KCNH8: variants seen among roughly 807,000 people sequenced by gnomAD.
KCNH8 encodes the protein potassium voltage-gated channel subfamily H member 8.
Under a neutral mutation model 103.6 loss-of-function variants are expected in KCNH8, and 70 were observed. That is an observed-to-expected ratio of 0.68 (90% CI 0.56 to 0.82). The LOEUF (loss-of-function observed/expected upper bound fraction) is 0.82. KCNH8 is among the 40% of genes least tolerant of loss of function. The pLI, the probability that KCNH8 is intolerant of heterozygous loss-of-function variation, is 0.00. For missense variants in KCNH8, 1,217 were observed against 1,329.9 expected, an observed-to-expected ratio of 0.92 and a Z score of 1.32; for synonymous variants, 498 against 489.4, an observed-to-expected ratio of 1.02 and a Z score of -0.23.
intron 1 of KCNH8, among the ~76,000 whole-genome samples, chr3:19,181,785 A>G (rs2063455532): frequency 6.6e-6 from 1 of 152,216 alleles, no homozygotes; most frequent in African/African-American, 2.4e-5. Context: ...CAAGGAACTG[A>G]TGATCCCTAA....
intron 7 of KCNH8, among the ~76,000 whole-genome samples, chr3:19,429,577 C>CT (rs560217483): frequency 1.7e-4 from 26 of 152,010 alleles, no homozygotes; most frequent in Non-Finnish European, 2.2e-4. Flanking sequence ...AGAACAGTTT[C>CT]TTTTTTTTAA....
intron 1 of KCNH8, among the ~76,000 whole-genome samples, chr3:19,229,950 T>C (rs1270682571): frequency 6.6e-6 from 1 of 152,144 alleles, no homozygotes; most frequent in Non-Finnish European, 1.5e-5. Context: ...AAGACATACC[T>C]GAGACTGGGA....
chr3:19,241,024 A>G (rs866889976), intron 1 of KCNH8, among the ~76,000 whole-genome samples: 1 of 152,090 alleles, frequency 6.6e-6, no homozygotes, highest in Middle Eastern at 3.4e-3. Context: ...AGCCTATCCT[A>G]TTTTGTTAAG....
chr3:19,375,906 G>T (rs1373847794), intron 5 of KCNH8, among the ~76,000 whole-genome samples: 2 of 152,194 alleles, frequency 1.3e-5, no homozygotes, highest in Non-Finnish European at 2.9e-5. Flanking sequence ...GTGCCTCCCA[G>T]TTAGGCTGCT....
Position 19,284,631 on chromosome 3 carries a change from T to A in KCNH8, c.442+3302T>A, listed in dbSNP as rs966479639. On this transcript the variant is annotated intron_variant, in intron 3 of 15. Coordinates refer to ENST00000328405, the MANE Select transcript of KCNH8 (RefSeq NM_144633.3). ...TCTTACCACCTTTAAAACTACCTTC[T>A]TTTTTGGCACATAGTTTACTTCTAT... Among the ~76,000 whole-genome samples the A allele has an allele frequency of 2.1e-4, 32 of 152,032 alleles. No individual in the cohort carries two copies. In the East Asian group the frequency reaches 6.0e-3, roughly 29 times the overall value.
chr3:19,491,144 T>C (rs2068311051), intron 11 of KCNH8, among the ~76,000 whole-genome samples: 1 of 152,186 alleles, frequency 6.6e-6, no homozygotes, highest in African/African-American at 2.4e-5. Flanking sequence ...ACTAATTATA[T>C]ACATATATAT....
rs1443227056 is a variant in KCNH8 at position 19,251,196 on chromosome 3, A to C, written c.77-2458A>C. On this transcript the variant is annotated intron_variant, in intron 1 of 15. Transcript: ENST00000328405. ...CAGGTTTATGACTATGCGATCGTTAAGGACTGGGACCACATCTAATGAACT... is the reference window on the plus strand; with the variant it reads ...CAGGTTTATGACTATGCGATCGTTACGGACTGGGACCACATCTAATGAACT... Among the ~76,000 whole-genome samples, 7 of 152,276 alleles carry C rather than the reference A, an allele frequency of 4.6e-5. No homozygotes were observed. The East Asian group carries it at 1.4e-3, about 29-fold the overall frequency.
chr3:19,361,657 A>G (rs1360257576), intron 5 of KCNH8, among the ~76,000 whole-genome samples: 1 of 152,128 alleles, frequency 6.6e-6, no homozygotes, highest in East Asian at 1.9e-4. Flanking sequence ...ATATTTGCAA[A>G]TGGAGTAAAA....
chr3:19,482,632 G>T (rs1195718104), intron 11 of KCNH8, among the ~76,000 whole-genome samples: 1 of 152,096 alleles, frequency 6.6e-6, no homozygotes, highest in Admixed American at 6.5e-5. Flanking sequence ...TTCTCCTAGC[G>T]CTGGGAGCCA....
chr3:19,198,339 T>C (rs932318481), intron 1 of KCNH8, among the ~76,000 whole-genome samples: 3 of 151,888 alleles, frequency 2.0e-5, no homozygotes, highest in Non-Finnish European at 4.4e-5. Context: ...AGTTGGGTGG[T>C]AAAAATGGGG....
intron 7 of KCNH8, among the ~76,000 whole-genome samples, chr3:19,415,203 G>A (rs2066844255): frequency 6.6e-6 from 1 of 151,892 alleles, no homozygotes; most frequent in South Asian, 2.1e-4. Flanking sequence ...TCAGTGCCAA[G>A]CAGTGTTCTA....
intron 1 of KCNH8, among the ~76,000 whole-genome samples, chr3:19,175,902 G>A (rs1238597074): frequency 6.6e-6 from 1 of 152,192 alleles, no homozygotes; most frequent in Non-Finnish European, 1.5e-5. Flanking sequence ...TTGAATACAA[G>A]TCCAAGTTCC....
intron 5 of KCNH8, among the ~76,000 whole-genome samples, chr3:19,371,811 G>C (rs1339551775): frequency 1.1e-4 from 17 of 151,352 alleles, no homozygotes. Flanking sequence ...AAGGGATCCA[G>C]TTTCAGCTTT....
chr3:19,159,709 CA>C (rs1242833907), intron 1 of KCNH8, among the ~76,000 whole-genome samples: 1 of 152,030 alleles, frequency 6.6e-6, no homozygotes, highest in South Asian at 2.1e-4. Context: ...TTTTCAGACA[CA>C]AAAACATTTG....
chr3:19,410,577 T>C (rs947256623), intron 7 of KCNH8, among the ~76,000 whole-genome samples: 11 of 151,286 alleles, frequency 7.3e-5, no homozygotes, highest in African/African-American at 2.7e-4. Flanking sequence ...AACCTAATAA[T>C]CCATTTAAAA....
intron 2 of KCNH8, among the ~76,000 whole-genome samples, chr3:19,262,235 G>A (rs984539066): frequency 3.9e-5 from 6 of 151,920 alleles, no homozygotes; most frequent in Non-Finnish European, 8.8e-5. Flanking sequence ...TCCAATCCAT[G>A]AGCATGGACT....
chr3:19,418,598 C>T (rs1306426178), intron 7 of KCNH8, among the ~76,000 whole-genome samples: 3 of 152,100 alleles, frequency 2.0e-5, no homozygotes, highest in Non-Finnish European at 4.4e-5. Context: ...ATTTGCCATC[C>T]TGGACACAAA....
At chr3:19,488,417 G>A (rs925148285) in intron 11 of KCNH8, among the ~76,000 whole-genome samples, 5 of 152,132 alleles carry the variant, frequency 3.3e-5, no homozygotes, top group Admixed American at 6.5e-5. Context: ...CAGTAATGGC[G>A]AGGTATTCAT....
intron 15 of KCNH8, among the ~76,000 whole-genome samples, chr3:19,518,397 A>G (rs2068912292): frequency 6.6e-6 from 1 of 152,044 alleles, no homozygotes; most frequent in African/African-American, 2.4e-5. Flanking sequence ...TAATTGGTAC[A>G]TTTTAAACTT....
Sources: gnomAD v4.1 joint callset for allele counts (sites outside exome capture counted in the v4.1 genomes callset) on GRCh38, gnomAD v4.1.1 for gene constraint, MANE v1.5 for transcripts, NCBI Gene and HGNC (gene_info 2026-07-23, HGNC 2026-07-21) for gene names.